Variants in MYO16 observed in about 807,000 individuals in gnomAD.
MYO16 encodes unconventional myosin-XVI.
MYO16 carries 94 observed loss-of-function variants against 205.3 expected under a neutral mutation model. The ratio of observed to expected loss-of-function variants is 0.46; its 90% CI spans 0.39 to 0.54. MYO16 has a LOEUF of 0.54. Ranked by LOEUF, MYO16 falls within the 20% of genes least tolerant of loss-of-function variation. The pLI, the probability that MYO16 is intolerant of heterozygous loss-of-function variation, is 0.00. For missense variants in MYO16, 2,315 were observed against 2,387.5 expected, an observed-to-expected ratio of 0.97 and a Z score of 0.63; for synonymous variants, 988 against 954.0, an observed-to-expected ratio of 1.04 and a Z score of -0.66.
At chr13:108,792,215 G>A (rs931205300) in intron 5 of MYO16, among the ~76,000 whole-genome samples, 1 of 152,154 alleles carries the variant, frequency 6.6e-6, no homozygotes, top group Non-Finnish European at 1.5e-5. Flanking sequence ...CTACCCACCT[G>A]GGTGAAGTCA....
chr13:108,979,791 G>T (rs1884391521), intron 20 of MYO16, among the ~76,000 whole-genome samples: 1 of 151,896 alleles, frequency 6.6e-6, no homozygotes, highest in Non-Finnish European at 1.5e-5. Context: ...TCAAAAAGAA[G>T]AATATAGAGG....
intron 4 of MYO16, among the ~76,000 whole-genome samples, chr13:108,734,322 T>C (rs1301481007): frequency 6.6e-6 from 1 of 152,156 alleles, no homozygotes; most frequent in Admixed American, 6.5e-5. Flanking sequence ...TAGCAGGAAG[T>C]GTGCAATTAA....
intron 5 of MYO16, among the ~76,000 whole-genome samples, chr13:108,792,957 G>T (rs981999746): frequency 3.9e-5 from 6 of 152,076 alleles, no homozygotes; most frequent in African/African-American, 1.4e-4. Flanking sequence ...GTATGTTGAT[G>T]ATTTATACTA....
intron 28 of MYO16, among the ~76,000 whole-genome samples, chr13:109,110,293 T>C (rs1180405309): frequency 6.6e-6 from 1 of 152,266 alleles, no homozygotes; most frequent in Admixed American, 6.5e-5. Flanking sequence ...AGTGATTTTC[T>C]TTAAGCACTC....
chr13:109,039,898 T>G (rs1886827951), intron 23 of MYO16, among the ~76,000 whole-genome samples: 1 of 152,120 alleles, frequency 6.6e-6, no homozygotes, highest in African/African-American at 2.4e-5. Context: ...GAGCTGGTTC[T>G]TTGAAAACAC....
intron 24 of MYO16, among the ~76,000 whole-genome samples, chr13:109,050,591 T>A (rs1296357715): frequency 6.6e-6 from 1 of 152,228 alleles, no homozygotes; most frequent in Admixed American, 6.5e-5. Context: ...TAGTTTTACA[T>A]GCGTTCATGA....
intron 23 of MYO16, among the ~76,000 whole-genome samples, chr13:109,022,339 A>G (rs1342262940): frequency 1.2e-5 from 1 of 85,604 alleles, no homozygotes; most frequent in Non-Finnish European, 2.4e-5. Context: ...ATATTTATAT[A>G]TTATATACAA....
chr13:109,065,927 A>G (rs906702581), intron 27 of MYO16, among the ~76,000 whole-genome samples: 3 of 152,186 alleles, frequency 2.0e-5, no homozygotes, highest in Non-Finnish European at 2.9e-5. Flanking sequence ...AGACAGAAGG[A>G]CTTGTCAATG....
At chr13:108,586,562 C>T in the MYO16 span, among the ~76,000 whole-genome samples, 3 of 152,176 alleles carry the variant, frequency 2.0e-5, no homozygotes, top group Admixed American at 2.0e-4. Context: ...CAGGTCACTG[C>T]AGGGCAGATG....
At chr13:108,781,894 T>A (rs1163957252) in intron 4 of MYO16, among the ~76,000 whole-genome samples, 1 of 152,136 alleles carries the variant, frequency 6.6e-6, no homozygotes, top group Non-Finnish European at 1.5e-5. Context: ...AAGAAGAGCC[T>A]TTTACCTCCT....
At position 108,726,212 on chromosome 13, in the gene MYO16, A is replaced by T. The variant is rs557109083; in HGVS notation, c.364-1228A>T. ...CCTATTTAATAATAGGTTTTTAAAA[A>T]CTAATTGTACTAATATGCATTTAGC... On this transcript the variant is annotated intron_variant, in intron 3 of 34. Transcript: ENST00000457511. 2.4e-4 allele frequency among the ~76,000 whole-genome samples: 36 copies of T among 152,316 alleles called. No individual in the cohort carries two copies. The South Asian group carries it at 7.1e-3, about 30-fold the overall frequency.
chr13:108,889,207 T>A (rs528651146), intron 14 of MYO16, among the ~76,000 whole-genome samples: 85 of 151,698 alleles, frequency 5.6e-4, no homozygotes, highest in South Asian at 5.2e-3. Context: ...CTTAAAGACT[T>A]CGATGGGCAG....
intron 14 of MYO16, among the ~76,000 whole-genome samples, chr13:108,894,011 TCA>T (rs1380283752): frequency 6.6e-6 from 1 of 152,140 alleles, no homozygotes; most frequent in East Asian, 1.9e-4. Flanking sequence ...TTTAATTGAC[TCA>T]CAGTTCTGCA....
intron 9 of MYO16, among the ~76,000 whole-genome samples, chr13:108,832,187 G>A (rs535005029): frequency 8.5e-4 from 121 of 141,570 alleles, no homozygotes; most frequent in Non-Finnish European, 1.3e-3. Context: ...CTATCGCCCA[G>A]GCTGGAGGGC....
intron 14 of MYO16, among the ~76,000 whole-genome samples, chr13:108,895,209 C>G (rs1337936): frequency 0.37 from 55,245 of 151,024 alleles, 10,160 homozygotes; most frequent in Middle Eastern, 0.54. Context: ...ATTATAAATA[C>G]AAAAAAAAAG....
Position 109,095,694 on chromosome 13 carries a change from C to A in MYO16, c.3336-5091C>A, listed in dbSNP as rs2139700002. Among the ~76,000 whole-genome samples, 2 of 152,210 alleles carry A rather than the reference C, an allele frequency of 1.3e-5. 1 individual carries two copies. Among genetic ancestry groups the A allele is most frequent in the South Asian group, 4.1e-4 (2 of 4,826 alleles). On this transcript the variant is annotated intron_variant, in intron 27 of 34. Transcript: ENST00000457511. The stretch of plus-strand genomic sequence containing the variant: ...CAATTAAATTCTTGGTTATAATTAA[C>A]AAATTTCCAGAATGAGACAATTATG...
chr13:109,040,644 A>T (rs1223753120), intron 23 of MYO16, among the ~76,000 whole-genome samples: 1 of 152,178 alleles, frequency 6.6e-6, no homozygotes, highest in Middle Eastern at 3.2e-3. Context: ...AAGAAAAAGC[A>T]TTTGATAAAA....
chr13:109,131,668 G>T (rs538250043), intron 31 of MYO16, among the ~76,000 whole-genome samples: 3 of 152,218 alleles, frequency 2.0e-5, no homozygotes, highest in Non-Finnish European at 4.4e-5. Flanking sequence ...AGGAATTGTG[G>T]TTTTTGCCAT....
chr13:109,117,470 A>G (rs1875773064), intron 28 of MYO16, among the ~76,000 whole-genome samples: 2 of 148,130 alleles, frequency 1.4e-5, no homozygotes, highest in Non-Finnish European at 3.0e-5. Context: ...ATGTGTATAT[A>G]TGTATGTATA....
Sources: gnomAD v4.1 joint callset for allele counts (sites outside exome capture counted in the v4.1 genomes callset) on GRCh38, gnomAD v4.1.1 for gene constraint, MANE v1.5 for transcripts, NCBI Gene and HGNC (gene_info 2026-07-23, HGNC 2026-07-21) for gene names.